MND1: variants seen among roughly 807,000 people sequenced by gnomAD.
MND1 encodes the protein meiotic nuclear divisions 1, also known as meiotic nuclear division protein 1 homolog.
MND1 carries 28 observed loss-of-function variants against 35.1 expected under a neutral mutation model. The observed-to-expected ratio is 0.80, with a 90% CI of 0.59 to 1.09. The LOEUF (loss-of-function observed/expected upper bound fraction) is 1.09, where lower values mean the gene tolerates loss of function less well. Ranked by LOEUF, MND1 falls within the 50% of genes least tolerant of loss-of-function variation. MND1 has a pLI of 0.00. For synonymous variants in MND1, 69 were observed against 70.5 expected (o/e 0.98, Z 0.11); for missense variants, 213 against 239.6 (o/e 0.89, Z 0.73).
chr4:153,406,276 C>CT (rs1729507227), intron 6 of MND1, among the ~76,000 whole-genome samples: 1 of 151,834 alleles, frequency 6.6e-6, no homozygotes, highest in Non-Finnish European at 1.5e-5. Flanking sequence ...GATCCCAGCA[C>CT]TTTGGGAGGC....
chr4:153,347,910 G>T (rs1773112633), intron 1 of MND1, among the ~76,000 whole-genome samples: 1 of 152,166 alleles, frequency 6.6e-6, no homozygotes, highest in African/African-American at 2.4e-5. Flanking sequence ...TAAAAGGTAG[G>T]TTGGGGTTAG....
intron 4 of MND1, among the ~76,000 whole-genome samples, chr4:153,369,912 T>C (rs182086891): frequency 1.3e-5 from 2 of 152,172 alleles, no homozygotes; most frequent in Admixed American, 1.3e-4. Flanking sequence ...TTGTTGCCAT[T>C]TCAACAATGT....
intron 4 of MND1, among the ~76,000 whole-genome samples, chr4:153,376,706 T>C (rs1036509270): frequency 6.6e-6 from 1 of 152,184 alleles, no homozygotes; most frequent in Admixed American, 6.5e-5. Context: ...TTTATTTTTG[T>C]ATTTGTACCC....
chr4:153,391,523 C>T (rs950801536), intron 4 of MND1, among the ~76,000 whole-genome samples: 1 of 151,772 alleles, frequency 6.6e-6, no homozygotes, highest in East Asian at 1.9e-4. Context: ...GTCAGGAGTT[C>T]GAGACCAGCC....
At chr4:153,350,969 A>AG (rs56110887) in intron 2 of MND1, among the ~76,000 whole-genome samples, 2 of 144,142 alleles carry the variant, frequency 1.4e-5, no homozygotes, top group Non-Finnish European at 3.0e-5. Context: ...AAAAAAAAAA[A>AG]CAAACAAAAT....
chr4:153,404,508 G>T (rs1233867195), intron 6 of MND1, among the ~76,000 whole-genome samples: 1 of 143,706 alleles, frequency 7.0e-6, no homozygotes, highest in South Asian at 2.2e-4. Context: ...TTTGAAACGG[G>T]GTTTCAGTCT....
chr4:153,375,568 A>G (rs1728480489), intron 4 of MND1, among the ~76,000 whole-genome samples: 1 of 152,046 alleles, frequency 6.6e-6, no homozygotes, highest in Non-Finnish European at 1.5e-5. Flanking sequence ...TAGTAATGGG[A>G]AAATAAGGTT....
intron 4 of MND1, among the ~76,000 whole-genome samples, chr4:153,362,525 GA>G (rs1392408950): frequency 6.6e-6 from 1 of 152,164 alleles, no homozygotes; most frequent in Admixed American, 6.5e-5. Flanking sequence ...CTTCCAAGTA[GA>G]GCCTGCAGAA....
intron 4 of MND1, chr4:153,361,593 A>G (rs1773494046): frequency 2.2e-6 from 1 of 455,110 alleles, no homozygotes; most frequent in African/African-American, 2.0e-5. Flanking sequence ...TAATCCCAGC[A>G]CTTTGGGAGG....
intron 4 of MND1, among the ~76,000 whole-genome samples, chr4:153,389,038 A>T (rs777974129): frequency 2.5e-4 from 38 of 152,228 alleles, no homozygotes; most frequent in Non-Finnish European, 1.3e-4. Flanking sequence ...GCAAAGAAAG[A>T]CTAAAGGCAC....
chr4:153,377,903 C>G (rs1405481969), intron 4 of MND1, among the ~76,000 whole-genome samples: 1 of 152,140 alleles, frequency 6.6e-6, no homozygotes, highest in Non-Finnish European at 1.5e-5. Context: ...GTTTTTTAAT[C>G]CCTTCCTCCT....
At chr4:153,368,456 AGACTC>A (rs1773710977) in intron 4 of MND1, among the ~76,000 whole-genome samples, 2 of 152,248 alleles carry the variant, frequency 1.3e-5, no homozygotes, top group African/African-American at 4.8e-5. Flanking sequence ...TCATCTTTCC[AGACTC>A]CCTGGCAACT....
chr4:153,359,779 CTTTTTTTTTT>C (rs34112305), intron 4 of MND1, among the ~76,000 whole-genome samples: 1 of 62,160 alleles, frequency 1.6e-5, no homozygotes, highest in South Asian at 7.4e-4. Context: ...TTTGGAAGAT[CTTTTTTTTTT>C]TTTTTTTTTT....
chr4:153,367,676 T>G (rs1287719274), intron 4 of MND1, among the ~76,000 whole-genome samples: 1 of 152,216 alleles, frequency 6.6e-6, no homozygotes, highest in Non-Finnish European at 1.5e-5. Flanking sequence ...TGTGGACATA[T>G]GTTTTCATTT....
intron 6 of MND1, among the ~76,000 whole-genome samples, chr4:153,402,669 CAT>C (rs905333992): frequency 4.6e-4 from 70 of 152,272 alleles, no homozygotes; most frequent in African/African-American, 1.7e-3. Flanking sequence ...TCATTATTTA[CAT>C]GTTTGGTGGT....
intron 6 of MND1, among the ~76,000 whole-genome samples, chr4:153,405,890 T>C (rs569516221): frequency 6.6e-6 from 1 of 152,220 alleles, no homozygotes; most frequent in East Asian, 2.0e-4. Flanking sequence ...CTGCAGGCTC[T>C]GCCTCCCGGG....
intron 4 of MND1, among the ~76,000 whole-genome samples, chr4:153,370,100 C>T (rs115254466): frequency 0.017 from 2,570 of 151,938 alleles, 53 homozygotes; most frequent in East Asian, 0.076. Flanking sequence ...TAGCCAACAT[C>T]GTGAAACCCT....
intron 6 of MND1, among the ~76,000 whole-genome samples, chr4:153,403,210 C>A (rs997629949): frequency 6.6e-6 from 1 of 152,116 alleles, no homozygotes; most frequent in Non-Finnish European, 1.5e-5. Flanking sequence ...TATAGAAGGC[C>A]TACATGCATG....
intron 6 of MND1, among the ~76,000 whole-genome samples, chr4:153,397,681 A>T (rs1425592063): frequency 1.3e-5 from 2 of 151,956 alleles, no homozygotes; most frequent in Non-Finnish European, 2.9e-5. Context: ...TTAGCCAAGC[A>T]TGGTGACAGA....
Sources: gnomAD v4.1 joint callset for allele counts (sites outside exome capture counted in the v4.1 genomes callset) on GRCh38, gnomAD v4.1.1 for gene constraint, MANE v1.5 for transcripts, NCBI Gene and HGNC (gene_info 2026-07-23, HGNC 2026-07-21) for gene names.